The following MSR1 variants were observed in gnomAD, a reference collection of about 807,000 sequenced individuals.
The protein encoded by MSR1 is macrophage scavenger receptor types I and II.
A neutral mutation model predicts 47.2 loss-of-function variants in MSR1; 53 were observed. The observed-to-expected ratio is 1.12, with a 90% CI of 0.90 to 1.41. The LOEUF is 1.41. Among genes scored for constraint, MSR1 ranks in the 40% most tolerant of loss-of-function variants. The pLI, the probability that MSR1 is intolerant of heterozygous loss-of-function variation, is 0.00. For missense variants in MSR1, 786 were observed against 546.9 expected (o/e 1.44, Z -4.36); for synonymous variants, 239 against 185.6 (o/e 1.29, Z -2.34).
At chr8:16,117,351 G>A (rs1799900248) in intron 9 of MSR1, among the ~76,000 whole-genome samples, 1 of 152,102 alleles carries the variant, frequency 6.6e-6, no homozygotes, top group South Asian at 2.1e-4. Context: ...TGCTAGAGCT[G>A]GGGAGCGGCT....
chr8:16,129,565 G>A (rs938527913), intron 8 of MSR1, among the ~76,000 whole-genome samples: 1 of 152,020 alleles, frequency 6.6e-6, no homozygotes, highest in African/African-American at 2.4e-5. Flanking sequence ...GGGCAAGACA[G>A]CAAAACCCCG....
intron 2 of MSR1, among the ~76,000 whole-genome samples, chr8:16,176,023 G>C (rs1801635874): frequency 1.3e-5 from 2 of 152,254 alleles, no homozygotes; most frequent in African/African-American, 4.8e-5. Context: ...GGAAACAGTA[G>C]ATGAGGAAGT....
At chr8:16,183,656 T>A (rs1585198400) in intron 1 of MSR1, among the ~76,000 whole-genome samples, 1 of 142,182 alleles carries the variant, frequency 7.0e-6, no homozygotes, top group African/African-American at 2.6e-5. Context: ...TATATTATCA[T>A]ATTAATATAA....
chr8:16,189,672 TAAAATCTTA>T (rs1802133421), intron 1 of MSR1, among the ~76,000 whole-genome samples: 1 of 100,198 alleles, frequency 1.0e-5, no homozygotes, highest in Non-Finnish European at 1.8e-5. Flanking sequence ...TATATATATA[TAAAATCTTA>T]TTTTATATAT....
chr8:16,123,611 T>C (rs1283511298), intron 8 of MSR1, among the ~76,000 whole-genome samples: 2 of 151,654 alleles, frequency 1.3e-5, no homozygotes, highest in Admixed American at 6.6e-5. Context: ...TGTGTCTGGA[T>C]AGCTGTTTCC....
chr8:16,186,387 T>C, intron 1 of MSR1: 1 of 562,958 alleles, frequency 1.8e-6, no homozygotes, highest in Non-Finnish European at 3.1e-6. Context: ...TAAGTCTTTA[T>C]CTCTTGCCCA....
At chr8:16,112,484 T>C (rs1799779624) in intron 9 of MSR1, among the ~76,000 whole-genome samples, 1 of 152,012 alleles carries the variant, frequency 6.6e-6, no homozygotes, top group African/African-American at 2.4e-5. Context: ...TTTCCAAAGA[T>C]TTGTTGTTTT....
chr8:16,115,653 G>C (rs376160569), intron 9 of MSR1, among the ~76,000 whole-genome samples: 1 of 151,944 alleles, frequency 6.6e-6, no homozygotes, highest in East Asian at 1.9e-4. Context: ...TTAGTTGTTT[G>C]GTACTGAACT....
At chr8:16,150,886 ATG>A (rs33961208) in intron 6 of MSR1, among the ~76,000 whole-genome samples, 11,330 of 146,850 alleles carry the variant, frequency 0.077, 706 homozygotes, top group East Asian at 0.34. Flanking sequence ...ACACACACAC[ATG>A]CGATACACAG....
intron 8 of MSR1, among the ~76,000 whole-genome samples, chr8:16,142,847 A>G (rs2117112963): frequency 6.6e-6 from 1 of 152,192 alleles, no homozygotes; most frequent in African/African-American, 2.4e-5. Context: ...GGGAGGGAGG[A>G]GCCTTCTGAT....
chr8:16,132,630 G>A (rs1431846794), intron 8 of MSR1, among the ~76,000 whole-genome samples: 2 of 152,096 alleles, frequency 1.3e-5, no homozygotes, highest in African/African-American at 2.4e-5. Flanking sequence ...TGGGACTACA[G>A]GCACCCACCA....
chr8:16,119,199 T>A (rs1426275137), intron 9 of MSR1, among the ~76,000 whole-genome samples: 2 of 152,136 alleles, frequency 1.3e-5, no homozygotes, highest in African/African-American at 4.8e-5. Flanking sequence ...ACCTGAGACT[T>A]CTGCTTAAAT....
chr8:16,115,160 CA>C (rs774663576), intron 9 of MSR1, among the ~76,000 whole-genome samples: 2 of 151,970 alleles, frequency 1.3e-5, no homozygotes, highest in East Asian at 1.9e-4. Context: ...GCCTGGGCAA[CA>C]AGAGCGAAAC....
intron 7 of MSR1, among the ~76,000 whole-genome samples, chr8:16,149,570 A>G (rs34726579): frequency 0.011 from 1,678 of 152,118 alleles, 29 homozygotes; most frequent in African/African-American, 0.039. Context: ...AAATGAGGAG[A>G]CAGTAAGCCT....
chr8:16,122,660 C>A (rs898197993), intron 8 of MSR1, among the ~76,000 whole-genome samples: 20 of 152,094 alleles, frequency 1.3e-4, no homozygotes, highest in African/African-American at 3.9e-4. Context: ...CTTTGAGAAC[C>A]ACTAACCTAG....
At chr8:16,139,323 C>T (rs1189723418) in intron 8 of MSR1, 1 of 976,764 alleles carries the variant, frequency 1.0e-6, no homozygotes, top group Admixed American at 6.2e-5. Context: ...TACCTTACAT[C>T]TTTAAAGGAC....
intron 1 of MSR1, among the ~76,000 whole-genome samples, chr8:16,188,225 G>C (rs972011572): frequency 1.3e-4 from 20 of 151,992 alleles, no homozygotes; most frequent in Non-Finnish European, 2.2e-4. Context: ...AGAATTTCAA[G>C]GTTAATTTGT....
intron 1 of MSR1, among the ~76,000 whole-genome samples, chr8:16,182,751 G>A (rs1801872215): frequency 6.6e-6 from 1 of 151,974 alleles, no homozygotes; most frequent in South Asian, 2.1e-4. Flanking sequence ...TGATAACATT[G>A]CCTTCTTCCA....
chr8:16,128,899 G>A (rs562641645), intron 8 of MSR1, among the ~76,000 whole-genome samples: 1 of 152,220 alleles, frequency 6.6e-6, no homozygotes, highest in East Asian at 1.9e-4. Context: ...TAATATGTTT[G>A]TTAGCTTACA....
Sources: allele counts gnomAD v4.1 joint callset (sites outside exome capture counted in the v4.1 genomes callset), GRCh38; gene constraint gnomAD v4.1.1; transcripts MANE v1.5; gene names NCBI Gene and HGNC (gene_info 2026-07-23, HGNC 2026-07-21).